The following ERG variants were observed in gnomAD, a reference collection of about 807,000 sequenced individuals.
ERG encodes the protein ETS transcription factor ERG, also known as transcriptional regulator ERG.
ERG carries 9 observed loss-of-function variants against 55.3 expected under a neutral mutation model. The observed-to-expected ratio is 0.16, with a 90% confidence interval of 0.10 to 0.28. The LOEUF is 0.28. Ranked by LOEUF, ERG falls within the 10% of genes least tolerant of loss-of-function variation. ERG has a pLI of 1.00. For synonymous variants in ERG, 223 were observed against 237.3 expected (o/e 0.94, Z 0.55); for missense variants, 434 against 631.6 (o/e 0.69, Z 3.35).
intron 2 of ERG, among the ~76,000 whole-genome samples, chr21:38,530,703 A>C (rs2059666380): frequency 1.3e-5 from 2 of 152,198 alleles, no homozygotes; most frequent in Admixed American, 6.5e-5. Context: ...ACTTACTATC[A>C]AGATGAGCAA....
intron 1 of ERG, among the ~76,000 whole-genome samples, chr21:38,648,897 T>G (rs1176473443): frequency 6.6e-6 from 1 of 152,176 alleles, no homozygotes; most frequent in Non-Finnish European, 1.5e-5. Context: ...ACTTCAGAAC[T>G]GTGAGTCCAA....
intron 2 of ERG, among the ~76,000 whole-genome samples, chr21:38,570,706 C>G (rs2059952327): frequency 6.6e-6 from 1 of 152,172 alleles, no homozygotes; most frequent in Non-Finnish European, 1.5e-5. Context: ...TAGTAAACAT[C>G]AGAGCAGGAT....
intron 1 of ERG, among the ~76,000 whole-genome samples, chr21:38,581,900 G>A (rs573169824): frequency 1.0e-3 from 154 of 152,140 alleles, no homozygotes; most frequent in African/African-American, 3.3e-3. Context: ...AAGATTAGCC[G>A]GGCGTGGTGG....
intron 1 of ERG, among the ~76,000 whole-genome samples, chr21:38,456,136 G>T: frequency 6.6e-6 from 1 of 152,230 alleles, no homozygotes; most frequent in African/African-American, 2.4e-5. Context: ...TAGCCAGGCT[G>T]CAGTCTCTAC....
intron 2 of ERG, among the ~76,000 whole-genome samples, chr21:38,563,360 A>C (rs2059904070): frequency 1.3e-5 from 2 of 152,248 alleles, no homozygotes; most frequent in South Asian, 4.1e-4. Context: ...CCATGTGGGA[A>C]AATGTTGATA....
chr21:38,458,003 T>TA (rs945191136), intron 1 of ERG, among the ~76,000 whole-genome samples: 11 of 151,976 alleles, frequency 7.2e-5, no homozygotes, highest in South Asian at 4.2e-4. Context: ...GACTTAAAAA[T>TA]AAAAAAAAGT....
chr21:38,492,161 T>TGA (rs1459366697), intron 1 of ERG, among the ~76,000 whole-genome samples: 1 of 152,214 alleles, frequency 6.6e-6, no homozygotes, highest in African/African-American at 2.4e-5. Flanking sequence ...CAGATTTGTG[T>TGA]GACTTGTATA....
At chr21:38,368,812 A>C in the ERG span, among the ~76,000 whole-genome samples, 4 of 151,962 alleles carry the variant, frequency 2.6e-5, no homozygotes, top group African/African-American at 9.7e-5. Context: ...GTTCCCCTCT[A>C]TGCGTCCATG....
At chr21:38,434,106 C>A (rs1219222186) in intron 2 of ERG, among the ~76,000 whole-genome samples, 1 of 152,208 alleles carries the variant, frequency 6.6e-6, no homozygotes, top group Non-Finnish European at 1.5e-5. Context: ...TCCCTAGATT[C>A]TCCTCAGTGA....
intron 2 of ERG, among the ~76,000 whole-genome samples, chr21:38,521,645 C>CA (rs570052141): frequency 1.1e-3 from 163 of 151,842 alleles, no homozygotes; most frequent in African/African-American, 3.8e-3. Flanking sequence ...AATTTGCTTG[C>CA]AAAAAAACAT....
At position 38,473,117 on chromosome 21, in the gene ERG, C is replaced by T. The variant is rs143851241; in HGVS notation, c.18+25246G>A. ...AGTTTTCATTTTCACAGCATAAAACCGTCTACAAATACATACTTCAAAATG... is the reference window on the plus strand; with the variant it reads ...AGTTTTCATTTTCACAGCATAAAACTGTCTACAAATACATACTTCAAAATG... On this transcript the variant is annotated intron_variant, in intron 1 of 9. Coordinates refer to ENST00000288319, the MANE Select transcript of ERG (RefSeq NM_182918.4). Among the ~76,000 whole-genome samples, 723 of 147,130 alleles carry T rather than the reference C, an allele frequency of 4.9e-3. 9 individuals are homozygous for T. Among genetic ancestry groups the T allele is most frequent in the African/African-American group, 0.017 (691 of 39,588 alleles).
intron 2 of ERG, among the ~76,000 whole-genome samples, chr21:38,507,978 GA>G (rs2059477369): frequency 1.3e-3 from 2 of 1,504 alleles, no homozygotes; most frequent in Non-Finnish European, 2.9e-3. Context: ...CACACACAGA[GA>G]CACACAGACA....
intron 2 of ERG, among the ~76,000 whole-genome samples, chr21:38,555,142 C>G (rs1190350231): frequency 2.6e-5 from 4 of 152,014 alleles, no homozygotes; most frequent in Non-Finnish European, 4.4e-5. Context: ...GCCTGGCCAA[C>G]ATAGTGAAAC....
rs1317761652 is a variant in ERG, at chr21:38,381,153, C to T, written c.*2250G>A. The T allele has an allele frequency of 1.9e-6, 2 of 1,065,374 alleles. No homozygotes were observed. The highest frequency in any genetic ancestry group is 3.3e-5 in the African/African-American group (2 of 61,088). The allele number at this position is 1,065,374 out of a possible 1,614,324, so 66.0% of individuals were successfully genotyped here. A position where few individuals can be genotyped will look rare whatever the true frequency, so the allele number is the denominator to read the frequency against. On this transcript the variant is annotated 3_prime_UTR_variant, in exon 10 of 10. Transcript: ENST00000288319. Reference sequence around the variant, plus strand: ...CCGACTTCAAAGCCCACTGCCAAAACATCCACAGCACAGAGGTTTGGCAAC... The same window carrying T: ...CCGACTTCAAAGCCCACTGCCAAAATATCCACAGCACAGAGGTTTGGCAAC...
intron 9 of ERG, among the ~76,000 whole-genome samples, chr21:38,386,867 C>A (rs1456653784): frequency 2.0e-5 from 3 of 151,742 alleles, no homozygotes; most frequent in Non-Finnish European, 4.4e-5. Flanking sequence ...AGGGTAATTA[C>A]CAAAATAAAA....
In ERG at chr21:38,442,475, C is replaced by A. The variant is rs74836515; in HGVS notation, c.236+2929G>T. Among the ~76,000 whole-genome samples, 1,036 of 152,366 alleles carry A rather than the reference C, an allele frequency of 6.8e-3. 17 individuals are homozygous for A. The highest frequency in any genetic ancestry group is 0.024 in the African/African-American group (984 of 41,594). On this transcript the variant is annotated intron_variant, in intron 2 of 9. Transcript: ENST00000288319. Reference sequence around the variant, plus strand: ...CCGGAAAGAGACCCTCAGCGCAGCACCAGCCTTTCACTTGCCTGACAGAAA... The same window carrying A: ...CCGGAAAGAGACCCTCAGCGCAGCAACAGCCTTTCACTTGCCTGACAGAAA...
At chr21:38,473,470 A>G (rs1204322927) in intron 1 of ERG, among the ~76,000 whole-genome samples, 1 of 151,886 alleles carries the variant, frequency 6.6e-6, no homozygotes, top group South Asian at 2.1e-4. Context: ...ACAATTTTAA[A>G]TAAGAAAAAA....
rs912327916 is a variant in ERG at position 38,383,724 on chromosome 21, A to G, written c.1119T>C (p.Tyr373=). Residue 373 remains tyrosine, a synonymous_variant, in exon 10 of 10, where the codon TAT becomes TAC. Transcript: ENST00000288319. The surrounding 1 kb of genome is among the most constrained non-coding windows in gnomAD (Gnocchi z 5.7). ...DKLSRALRYY[Y]DKNIMTKVHG... The stretch of plus-strand genomic sequence containing the variant: ...GGACCTTGGTCATGATGTTCTTGTC[A>G]TAGTAGTAACGGAGGGCGCGGCTGA... The G allele has an allele frequency of 2.5e-6, 4 of 1,614,020 alleles. No homozygotes were observed. The African/African-American group carries it at 5.3e-5, about 22-fold the overall frequency.
chr21:38,659,767 T>C (rs1432544730), intron 1 of ERG, among the ~76,000 whole-genome samples: 3 of 152,240 alleles, frequency 2.0e-5, no homozygotes, highest in Admixed American at 6.5e-5. Flanking sequence ...ATCCATTTTA[T>C]TGCGCAGTGT....
Sources: gnomAD v4.1 joint callset for allele counts (sites outside exome capture counted in the v4.1 genomes callset) on GRCh38, gnomAD v4.1.1 for gene constraint, Gnocchi (gnomAD v3.1) non-coding constraint, MANE v1.5 for transcripts, NCBI Gene and HGNC (gene_info 2026-07-23, HGNC 2026-07-21) for gene names.